MLLT11: variants seen among roughly 807,000 people sequenced by gnomAD.
MLLT11 encodes protein AF1q.
MLLT11 carries 1 observed loss-of-function variant against 5.3 expected under a neutral mutation model. The observed-to-expected ratio is 0.19, with a 90% CI of 0.07 to 0.89. The LOEUF (loss-of-function observed/expected upper bound fraction) is 0.89, where lower values mean the gene tolerates loss of function less well. Among genes scored for constraint, MLLT11 ranks in the 40% least tolerant of loss-of-function variants. The pLI is 0.67. For synonymous variants in MLLT11, 38 were observed against 41.7 expected, an observed-to-expected ratio of 0.91 and a Z score of 0.34; for missense variants, 87 against 107.3, an observed-to-expected ratio of 0.81 and a Z score of 0.83.
rs1276012757 is a variant in MLLT11, at chr1:151,068,286, T to C, written c.*789T>C. 1 of 229,194 alleles carries C rather than the reference T, an allele frequency of 4.4e-6. No homozygotes were observed. The highest frequency in any genetic ancestry group is 2.3e-5 in the African/African-American group (1 of 44,380). The allele number at this position is 229,194 out of a possible 1,614,324, so 14.2% of individuals were successfully genotyped here. A position where few individuals can be genotyped will look rare whatever the true frequency, so the allele number is the denominator to read the frequency against. ...TAGTTTTTAAGGTTTCAATTCAATCTTCTGAACGGCATAAGTCCTATTTTA... is the reference window on the plus strand; with the variant it reads ...TAGTTTTTAAGGTTTCAATTCAATCCTCTGAACGGCATAAGTCCTATTTTA... On this transcript the variant is annotated 3_prime_UTR_variant, in exon 2 of 2. Coordinates refer to ENST00000368921, the MANE Select transcript of MLLT11 (RefSeq NM_006818.4).
intron 1 of MLLT11, among the ~76,000 whole-genome samples, chr1:151,064,818 C>A (rs1478070641): frequency 6.6e-6 from 1 of 152,140 alleles, no homozygotes; most frequent in Non-Finnish European, 1.5e-5. Flanking sequence ...TCTTTCTAAT[C>A]TACATATTTG....
intron 1 of MLLT11, among the ~76,000 whole-genome samples, chr1:151,063,570 C>T (rs993692606): frequency 6.6e-5 from 10 of 152,152 alleles, no homozygotes; most frequent in Non-Finnish European, 1.3e-4. Context: ...GGACTACAGG[C>T]GCCCACCACC....
In MLLT11 at chr1:151,067,280, T is replaced by C. The variant is rs775729762; in HGVS notation, c.56T>C (p.Ile19Thr). 1 of 1,614,038 alleles carries C rather than the reference T, an allele frequency of 6.2e-7. No homozygotes were observed. The highest frequency in any genetic ancestry group is 8.5e-7 in the Non-Finnish European group (1 of 1,179,988). The change falls in exon 2 of 2, where the codon ATC becomes ACC. Residue 19 changes from isoleucine (I) to threonine (T), a missense_variant. Ile to Thr is a moderately conservative substitution (Grantham distance 89). Transcript: ENST00000368921. ...TCCTTTCTTTTCTGGAGGATGCCCA[T>C]CCCAGAACTGGATCTGTCGGAGCTG... ...YSSFLFWRMP[I>T]PELDLSELEG...
intron 1 of MLLT11, among the ~76,000 whole-genome samples, chr1:151,061,970 CCAAA>C (rs1471566405): frequency 6.6e-6 from 1 of 151,968 alleles, no homozygotes; most frequent in African/African-American, 2.4e-5. Context: ...GATAGCTCTA[CCAAA>C]CACTCAGGGA....
rs188118130 is a variant in MLLT11, at chr1:151,068,153, T to C, written c.*656T>C. 7.9e-5 allele frequency: 19 copies of C among 240,238 alleles called. No homozygotes were observed. Among genetic ancestry groups the C allele is most frequent in the African/African-American group, 3.6e-4 (16 of 45,024 alleles). 14.9% of individuals were successfully genotyped at this position (240,238 alleles called of 1,614,324 possible). On this transcript the variant is annotated 3_prime_UTR_variant, in exon 2 of 2. Coordinates refer to ENST00000368921, the MANE Select transcript of MLLT11 (RefSeq NM_006818.4). ...TAGCTAATTTCTTTTCTCAAAAGAG[T>C]GTCCCTTCTTCACACCTACTCACTT...
In MLLT11 at chr1:151,068,954, T is replaced by C. The variant is rs1676518017; in HGVS notation, c.*1457T>C. ...ATTTGAGTAGCATTTAGACATTAGA[T>C]GGTGAACTTCGCATTGAACAGATAA... On this transcript the variant is annotated 3_prime_UTR_variant, in exon 2 of 2. Transcript: ENST00000368921. 1.3e-5 allele frequency among the ~76,000 whole-genome samples: 2 copies of C among 152,288 alleles called. No individual in the cohort carries two copies. The highest frequency in any genetic ancestry group is 2.1e-4 in the South Asian group (1 of 4,826).
intron 1 of MLLT11, among the ~76,000 whole-genome samples, chr1:151,065,946 A>ATT (rs1676470328): frequency 6.6e-6 from 1 of 152,094 alleles, no homozygotes; most frequent in Non-Finnish European, 1.5e-5. Context: ...GGCTCAAGTG[A>ATT]TTCTCCCACT....
Position 151,069,504 on chromosome 1 carries a change from G to A in MLLT11, c.*2007G>A, listed in dbSNP as rs1236837542. On this transcript the variant is annotated 3_prime_UTR_variant, in exon 2 of 2. Transcript: ENST00000368921. The stretch of plus-strand genomic sequence containing the variant: ...TCAGCCATGGCAATTGGTGGGTGGA[G>A]ACAGGGATCAACTGTTTGGTAAATA... 1.3e-5 allele frequency among the ~76,000 whole-genome samples: 2 copies of A among 152,186 alleles called. No individual in the cohort carries two copies. Among genetic ancestry groups the A allele is most frequent in the African/African-American group, 4.8e-5 (2 of 41,440 alleles).
chr1:151,069,419 GGATAAGTAGTGC>G lies in MLLT11; in HGVS notation c.*1924_*1935del, dbSNP rs1298588203. ...GTCTAACGAAGAATGGGGCCAGGAA[GGATAAGTAGTGC>G]GTCCTTTTCTATTTTTACTGAGTTT... On this transcript the variant is annotated 3_prime_UTR_variant, in exon 2 of 2. Coordinates refer to ENST00000368921, the MANE Select transcript of MLLT11 (RefSeq NM_006818.4). 6.6e-6 allele frequency among the ~76,000 whole-genome samples: 1 copy of G among 152,172 alleles called. No individual in the cohort carries two copies. Among genetic ancestry groups the G allele is most frequent in the Non-Finnish European group, 1.5e-5 (1 of 68,030 alleles).
At chr1:151,062,098 C>T (rs1262332812) in intron 1 of MLLT11, among the ~76,000 whole-genome samples, 2 of 151,874 alleles carry the variant, frequency 1.3e-5, no homozygotes, top group Non-Finnish European at 2.9e-5. Context: ...TTGCTTTTCC[C>T]CATTCAGATC....
At chr1:151,066,919 C>T (rs901406023) in intron 1 of MLLT11, among the ~76,000 whole-genome samples, 5 of 141,786 alleles carry the variant, frequency 3.5e-5, no homozygotes, top group East Asian at 2.2e-4. Flanking sequence ...AGCAAGACTC[C>T]GTCTCATTGA....
chr1:151,066,493 T>G (rs1676477974), intron 1 of MLLT11, among the ~76,000 whole-genome samples: 1 of 152,126 alleles, frequency 6.6e-6, no homozygotes, highest in Non-Finnish European at 1.5e-5. Flanking sequence ...AAGACAGGAA[T>G]GAGCATAACT....
Position 151,067,526 on chromosome 1 carries a change from G to C in MLLT11, c.*29G>C, listed in dbSNP as rs1676492082. Reference sequence around the variant, plus strand: ...CAAGACTTCTCTCTCCCATCACCTTGCCCTCATTGTCTTCCCTCTCAAGCC... The same window carrying C: ...CAAGACTTCTCTCTCCCATCACCTTCCCCTCATTGTCTTCCCTCTCAAGCC... On this transcript the variant is annotated 3_prime_UTR_variant, in exon 2 of 2. Transcript: ENST00000368921. 1.2e-6 allele frequency: 2 copies of C among 1,600,956 alleles called. No homozygotes were observed. The highest frequency in any genetic ancestry group is 1.3e-5 in the African/African-American group (1 of 74,448).
At position 151,060,564 on chromosome 1, in the gene MLLT11, CTG is replaced by C. The variant is rs1169287636; in HGVS notation, c.-7+12_-7+13del. 6.6e-6 allele frequency: 1 copy of C among 152,190 alleles called. No individual in the cohort carries two copies. Among genetic ancestry groups the C allele is most frequent in the Non-Finnish European group, 1.5e-5 (1 of 68,062 alleles). 9.4% of individuals were successfully genotyped at this position (152,190 alleles called of 1,614,324 possible). On this transcript the variant is annotated intron_variant, in intron 1 of 1. Coordinates refer to ENST00000368921, the MANE Select transcript of MLLT11 (RefSeq NM_006818.4). Reference sequence around the variant, plus strand: ...ATTGATTGATAACAGGTAAACCAAACTGAGGGAGGGGGCAGGGGGCTGCAAAG... The same window carrying C: ...ATTGATTGATAACAGGTAAACCAAACAGGGAGGGGGCAGGGGGCTGCAAAG...
Position 151,068,117 on chromosome 1 carries a change from C to A in MLLT11, c.*620C>A. Reference sequence around the variant, plus strand: ...ATGAAAATAGGGAAAATAATTGAATCATTTTAGAAGTAGCTAATTTCTTTT... The same window carrying A: ...ATGAAAATAGGGAAAATAATTGAATAATTTTAGAAGTAGCTAATTTCTTTT... On this transcript the variant is annotated 3_prime_UTR_variant, in exon 2 of 2. Coordinates refer to ENST00000368921, the MANE Select transcript of MLLT11 (RefSeq NM_006818.4). The A allele has an allele frequency of 4.2e-6, 1 of 240,256 alleles. No individual in the cohort carries two copies. Among genetic ancestry groups the A allele is most frequent in the East Asian group, 6.5e-5 (1 of 15,402 alleles). 14.9% of individuals were successfully genotyped at this position (240,256 alleles called of 1,614,324 possible).
chr1:151,061,414 G>C (rs587601353), intron 1 of MLLT11, among the ~76,000 whole-genome samples: 16 of 152,254 alleles, frequency 1.1e-4, no homozygotes, highest in South Asian at 8.3e-4. Context: ...GTGTGGCTCC[G>C]AGAGTGTATC....
chr1:151,068,967 A>G lies in MLLT11; in HGVS notation c.*1470A>G, dbSNP rs1676518490. 6.6e-6 allele frequency among the ~76,000 whole-genome samples: 1 copy of G among 152,238 alleles called. No homozygotes were observed. Among genetic ancestry groups the G allele is most frequent in the Non-Finnish European group, 1.5e-5 (1 of 68,048 alleles). On this transcript the variant is annotated 3_prime_UTR_variant, in exon 2 of 2. Transcript: ENST00000368921. ...TTAGACATTAGATGGTGAACTTCGCATTGAACAGATAATGAAAGGGCAAAA... is the reference window on the plus strand; with the variant it reads ...TTAGACATTAGATGGTGAACTTCGCGTTGAACAGATAATGAAAGGGCAAAA...
chr1:151,069,012 GTAGT>G lies in MLLT11; in HGVS notation c.*1519_*1522del, dbSNP rs1255994142. On this transcript the variant is annotated 3_prime_UTR_variant, in exon 2 of 2. Coordinates refer to ENST00000368921, the MANE Select transcript of MLLT11 (RefSeq NM_006818.4). ...GCAAAATCAACTTAAAATTAGAAAA[GTAGT>G]TAGGGAGACAGGTACAACCACTCTT... 2.0e-5 allele frequency among the ~76,000 whole-genome samples: 3 copies of G among 152,190 alleles called. No individual in the cohort carries two copies. The highest frequency in any genetic ancestry group is 2.9e-5 in the Non-Finnish European group (2 of 68,044).
chr1:151,062,076 C>G (rs1263458939), intron 1 of MLLT11, among the ~76,000 whole-genome samples: 1 of 151,422 alleles, frequency 6.6e-6, no homozygotes, highest in African/African-American at 2.4e-5. Context: ...TTCTAGCTTG[C>G]TCTACTGCCC....
Sources: gnomAD v4.1 joint callset for allele counts (sites outside exome capture counted in the v4.1 genomes callset) on GRCh38, gnomAD v4.1.1 for gene constraint, MANE v1.5 for transcripts, NCBI Gene and HGNC (gene_info 2026-07-23, HGNC 2026-07-21) for gene names.